Variants in LAMC2 observed in about 807,000 individuals in gnomAD.
LAMC2 encodes laminin subunit gamma-2.
LAMC2 carries 97 observed loss-of-function variants against 140.2 expected under a neutral mutation model. The observed-to-expected ratio is 0.69, with a 90% CI of 0.59 to 0.82. LAMC2 has a LOEUF of 0.82. Ranked by LOEUF, LAMC2 falls within the 40% of genes least tolerant of loss-of-function variation. The probability of loss-of-function intolerance (pLI) is 0.00; values close to 1 mark genes in which losing one functional copy is unlikely to be tolerated. For synonymous variants in LAMC2, 513 were observed against 540.2 expected (o/e 0.95, Z 0.70); for missense variants, 1,402 against 1,476.1 (o/e 0.95, Z 0.82).
At chr1:183,199,212 T>C (rs1345189695) in intron 1 of LAMC2, among the ~76,000 whole-genome samples, 1 of 148,318 alleles carries the variant, frequency 6.7e-6, no homozygotes, top group Non-Finnish European at 1.5e-5. Flanking sequence ...TAAAGGATTC[T>C]CCTGCCTCAG....
chr1:183,194,333 T>C (rs938614483), intron 1 of LAMC2, among the ~76,000 whole-genome samples: 1 of 152,072 alleles, frequency 6.6e-6, no homozygotes, highest in African/African-American at 2.4e-5. Context: ...TGCACATGAA[T>C]TACCATTGTT....
intron 1 of LAMC2, 126 bp downstream of exon 1, chr1:183,186,557 T>G: frequency 9.9e-7 from 1 of 1,008,122 alleles, no homozygotes; most frequent in Non-Finnish European, 1.5e-6. Context: ...TAGAGCTCCC[T>G]TCTCCTCCCC....
At chr1:183,202,521 TA>T (rs1658741749) in intron 1 of LAMC2, among the ~76,000 whole-genome samples, 1 of 152,142 alleles carries the variant, frequency 6.6e-6, no homozygotes, top group South Asian at 2.1e-4. Context: ...TACAGACAAA[TA>T]GTTTGATGTA....
intron 11 of LAMC2, among the ~76,000 whole-genome samples, chr1:183,229,268 A>C (rs1405019885): frequency 1.3e-5 from 2 of 152,162 alleles, no homozygotes; most frequent in Non-Finnish European, 2.9e-5. Context: ...CCTGCCCCAC[A>C]GACTCACCCC....
At chr1:183,257,228 C>T in the LAMC2 span, among the ~76,000 whole-genome samples, 1 of 151,930 alleles carries the variant, frequency 6.6e-6, no homozygotes, top group African/African-American at 2.4e-5. Flanking sequence ...GGATCACAAG[C>T]TCAGGAGTTC....
intron 4 of LAMC2, among the ~76,000 whole-genome samples, chr1:183,219,030 C>T (rs535766422): frequency 6.6e-6 from 1 of 152,340 alleles, no homozygotes; most frequent in East Asian, 1.9e-4. Context: ...GGCCAAGCCA[C>T]ACTGGAGGAG....
chr1:183,214,538 G>A (rs576295612), intron 2 of LAMC2, among the ~76,000 whole-genome samples: 2 of 152,264 alleles, frequency 1.3e-5, no homozygotes, highest in African/African-American at 4.8e-5. Flanking sequence ...GAGGGTAGGA[G>A]ATGAGGTAAG....
At chr1:183,238,609 T>A (rs1419822959) in intron 19 of LAMC2, among the ~76,000 whole-genome samples, 188 bp downstream of exon 19, 1 of 152,252 alleles carries the variant, frequency 6.6e-6, no homozygotes, top group Non-Finnish European at 1.5e-5. Flanking sequence ...TAGAGCTAGA[T>A]GTCAGAAGCC....
At position 183,217,352 on chromosome 1, in the gene LAMC2, C is replaced by CACAAACAA. The variant is rs112773271; in HGVS notation, c.405-1012_405-1005dup. 4.0e-4 allele frequency among the ~76,000 whole-genome samples: 61 copies of CACAAACAA among 151,050 alleles called. No individual in the cohort carries two copies. The Middle Eastern group carries it at 0.01, about 25-fold the overall frequency. The stretch of plus-strand genomic sequence containing the variant: ...GATACCTTCATTGAGAAAATCTTGC[C>CACAAACAA]ACAAACAAACAAACAAACAAACAAA... On this transcript the variant is annotated intron_variant, in intron 3 of 22. Transcript: ENST00000264144.
rs764998163 is a variant in LAMC2, at chr1:183,234,431, C to A, written c.2285C>A (p.Thr762Lys). The stretch of plus-strand genomic sequence containing the variant: ...TTTAAAAGTCTGGCTCAGGAGGCCA[C>A]AAGATTAGCAGAAAGGTGAGCAGCA... Reference protein sequence around the residue: ...NGFKSLAQEATRLAESHVESA... With the variant: ...NGFKSLAQEAKRLAESHVESA... Residue 762 changes from threonine (T) to lysine (K), a missense_variant, in exon 15 of 23, where the codon ACA (threonine) becomes AAA (lysine). Transcript: ENST00000264144. The A allele has an allele frequency of 2.5e-6, 4 of 1,613,854 alleles. No individual in the cohort carries two copies. In the South Asian group the frequency reaches 4.4e-5, roughly 18 times the overall value.
chr1:183,210,664 T>C (rs1392640072), intron 2 of LAMC2, among the ~76,000 whole-genome samples: 2 of 152,364 alleles, frequency 1.3e-5, no homozygotes, highest in African/African-American at 4.8e-5. Flanking sequence ...AAAAGCTTGA[T>C]GGATATTATT....
At chr1:183,231,983 T>C (rs1029721635) in intron 12 of LAMC2, among the ~76,000 whole-genome samples, 3 of 152,234 alleles carry the variant, frequency 2.0e-5, no homozygotes, top group Non-Finnish European at 4.4e-5. Context: ...AGAAAGTGAC[T>C]TGCCCAAGGT....
At chr1:183,193,821 A>G (rs1316810014) in intron 1 of LAMC2, among the ~76,000 whole-genome samples, 4 of 144,048 alleles carry the variant, frequency 2.8e-5, no homozygotes, top group African/African-American at 1.0e-4. Flanking sequence ...ATACTCCCTG[A>G]TGTAGTCTTC....
chr1:183,206,630 C>T (rs186344837), intron 1 of LAMC2, among the ~76,000 whole-genome samples: 53 of 139,190 alleles, frequency 3.8e-4, no homozygotes, highest in Admixed American at 1.1e-3. Flanking sequence ...CCAGCCTGGG[C>T]GACAGAGCAA....
intron 2 of LAMC2, among the ~76,000 whole-genome samples, chr1:183,211,620 C>T (rs1659071759): frequency 6.6e-6 from 1 of 152,144 alleles, no homozygotes; most frequent in African/African-American, 2.4e-5. Flanking sequence ...AAGCAGTCCT[C>T]CTGCCTCAGC....
Position 183,208,058 on chromosome 1 carries a change from G to C in LAMC2, c.257G>C (p.Cys86Ser). ...AGGGACCGCTGTTTGCCCTGCAATT[G>C]TAACTCCAAAGGTAGCTGAAAAGGA... ...RERDRCLPCN[C>S]NSKGSLSARC... The change falls in exon 2 of 23, where the codon TGT becomes TCT. Residue 86 changes from cysteine (C) to serine (S), a missense_variant. Physicochemically the swap from Cys to Ser is moderately radical, Grantham distance 112. Transcript: ENST00000264144. 5.0e-6 allele frequency: 8 copies of C among 1,613,996 alleles called. No individual in the cohort carries two copies. The highest frequency in any genetic ancestry group is 5.9e-6 in the Non-Finnish European group (7 of 1,179,958).
chr1:183,224,593 G>T (rs1392548529), intron 7 of LAMC2, among the ~76,000 whole-genome samples: 1 of 151,980 alleles, frequency 6.6e-6, no homozygotes, highest in Non-Finnish European at 1.5e-5. Flanking sequence ...CAAGGCAGGG[G>T]TAATGGCAAT....
At chr1:183,234,326 C>A in intron 14 of LAMC2, 41 bp from the exon 15 acceptor site, 1 of 1,517,506 alleles carries the variant, frequency 6.6e-7, no homozygotes, top group Non-Finnish European at 9.2e-7. Context: ...AAGTGCAAAG[C>A]CTTAACCGAT....
chr1:183,223,300 G>A lies in LAMC2; in HGVS notation c.929G>A (p.Gly310Glu). The change falls in exon 7 of 23, where the codon GGG becomes GAG. Residue 310 changes from glycine (G) to glutamate (E), a missense_variant. By Grantham distance (98) the Gly-to-Glu change is moderately conservative. Coordinates refer to ENST00000264144, the MANE Select transcript of LAMC2 (RefSeq NM_005562.3). ...LMPLGKTLPC[G>E]LTKTYTFRLN... ...CCACTTGGCAAGACACTGCCTTGTG[G>A]GCTCACCAAGACTTACACATTCAGG... 6.2e-7 allele frequency: 1 copy of A among 1,614,114 alleles called. No homozygotes were observed. The highest frequency in any genetic ancestry group is 1.1e-5 in the South Asian group (1 of 91,068).
Sources: gnomAD v4.1 joint callset for allele counts (sites outside exome capture counted in the v4.1 genomes callset) on GRCh38, gnomAD v4.1.1 for gene constraint, MANE v1.5 for transcripts, NCBI Gene and HGNC (gene_info 2026-07-23, HGNC 2026-07-21) for gene names.